The following IFT74 variants were observed in gnomAD, a reference collection of about 807,000 sequenced individuals.
IFT74 encodes intraflagellar transport 74, also known as intraflagellar transport protein 74 homolog.
A neutral mutation model predicts 96.7 loss-of-function variants in IFT74; 92 were observed. That is an observed-to-expected ratio of 0.95 (90% CI 0.80 to 1.13). The LOEUF is 1.13. Among genes scored for constraint, IFT74 ranks in the 50% most tolerant of loss-of-function variants. The probability of loss-of-function intolerance (pLI) is 0.00; values close to 1 mark genes in which losing one functional copy is unlikely to be tolerated. For synonymous variants in IFT74, 223 were observed against 213.2 expected (o/e 1.05, Z -0.40); for missense variants, 811 against 698.2 (o/e 1.16, Z -1.82).
chr9:26,956,060 G>T (rs1206327610), upstream of IFT74: 1 of 152,164 alleles, frequency 6.6e-6, no homozygotes, highest in African/African-American at 2.4e-5. Context: ...TTAGAAAATT[G>T]CACAATGCTG....
intron 8 of IFT74, chr9:26,998,098 G>A (rs772784736): frequency 6.2e-7 from 1 of 1,613,372 alleles, no homozygotes; most frequent in Non-Finnish European, 8.5e-7. Flanking sequence ...AGAGCTCTGT[G>A]AGTAAAAAGT....
chr9:27,048,033 CA>C (rs565682057), intron 15 of IFT74, 114 bp from the exon 16 acceptor site: 343 of 623,518 alleles, frequency 5.5e-4, no homozygotes, highest in South Asian at 1.1e-3. Context: ...TGGTGTATTT[CA>C]AAAAAAATAC....
At chr9:26,991,922 G>A (rs998656022) in intron 8 of IFT74, among the ~76,000 whole-genome samples, 2 of 151,916 alleles carry the variant, frequency 1.3e-5, no homozygotes, top group East Asian at 1.9e-4. Flanking sequence ...CCAGCTACTC[G>A]GGAGACTGAA....
chr9:26,975,097 C>A (rs551019586), intron 2 of IFT74, among the ~76,000 whole-genome samples: 1 of 152,004 alleles, frequency 6.6e-6, no homozygotes, highest in Non-Finnish European at 1.5e-5. Context: ...GGAGGAATAA[C>A]GTGAGCAGGG....
chr9:26,948,450 T>TATTATTATTA (rs201983799), intron 1 of IFT74, among the ~76,000 whole-genome samples: 1,450 of 31,200 alleles, frequency 0.046, 23 homozygotes, highest in South Asian at 0.22. Flanking sequence ...TTTCCATTAT[T>TATTATTATTA]TTTTTTTTTT....
intron 8 of IFT74, among the ~76,000 whole-genome samples, chr9:27,003,050 T>C (rs1437664950): frequency 6.6e-6 from 1 of 152,238 alleles, no homozygotes; most frequent in East Asian, 1.9e-4. Flanking sequence ...TTTGTAGCTA[T>C]CGTAAACAGG....
At chr9:27,033,573 C>CAAAAAAAAAAAAAAAAAAAAAAAAAAAAA (rs558712485) in intron 13 of IFT74, among the ~76,000 whole-genome samples, 1 of 66,286 alleles carries the variant, frequency 1.5e-5, no homozygotes, top group Non-Finnish European at 3.1e-5. Flanking sequence ...GACCCTGTCT[C>CAAAAAAAAAAAAAAAAAAAAAAAAAAAAA]AAAAAAAAAA....
At chr9:26,963,408 G>A (rs1336139385) in intron 2 of IFT74, among the ~76,000 whole-genome samples, 29 of 150,266 alleles carry the variant, frequency 1.9e-4, no homozygotes, top group African/African-American at 6.1e-4. Flanking sequence ...GAATAATGCC[G>A]CAATAAACAT....
At chr9:27,054,008 TA>T (rs1820049678) in intron 16 of IFT74, among the ~76,000 whole-genome samples, 1 of 152,258 alleles carries the variant, frequency 6.6e-6, no homozygotes, top group African/African-American at 2.4e-5. Flanking sequence ...TACACATATA[TA>T]TTTTTAAATA....
At chr9:27,047,935 A>G (rs528005578) in intron 15 of IFT74, among the ~76,000 whole-genome samples, 1 of 152,300 alleles carries the variant, frequency 6.6e-6, no homozygotes, top group South Asian at 2.1e-4. Context: ...AGGAAATGAA[A>G]AAAAACCCAC....
At chr9:27,060,736 GCC>G in intron 19 of IFT74, 85 bp downstream of exon 19, 7 of 885,004 alleles carry the variant, frequency 7.9e-6, no homozygotes, top group Non-Finnish European at 1.2e-5. Context: ...AGGCAGGTGG[GCC>G]ACAAGGTCAG....
At chr9:26,976,382 T>A (rs1827129217) in intron 2 of IFT74, among the ~76,000 whole-genome samples, 1 of 152,340 alleles carries the variant, frequency 6.6e-6, no homozygotes, top group East Asian at 1.9e-4. Context: ...CAGGGCTGCT[T>A]GTCATGAGAG....
At chr9:26,987,161 T>C (rs1224577442) in intron 6 of IFT74, among the ~76,000 whole-genome samples, 1 of 152,178 alleles carries the variant, frequency 6.6e-6, no homozygotes, top group Admixed American at 6.5e-5. Context: ...GTGATTATCC[T>C]GCTTCAGCCT....
At chr9:26,973,519 T>C (rs1826968075) in intron 2 of IFT74, among the ~76,000 whole-genome samples, 1 of 152,210 alleles carries the variant, frequency 6.6e-6, no homozygotes, top group Non-Finnish European at 1.5e-5. Context: ...AGGATGAATG[T>C]ATTTTTCGTC....
chr9:27,043,289 G>A (rs756232438), intron 13 of IFT74, among the ~76,000 whole-genome samples: 4 of 152,172 alleles, frequency 2.6e-5, no homozygotes, highest in Non-Finnish European at 4.4e-5. Context: ...CAGGGTTGTC[G>A]TCAATGAATT....
At chr9:26,984,650 C>T in intron 6 of IFT74, 91 bp downstream of exon 6, 1 of 939,886 alleles carries the variant, frequency 1.1e-6, no homozygotes, top group East Asian at 2.5e-5. Context: ...AAAGGACATG[C>T]ACAGATACTT....
intron 12 of IFT74, among the ~76,000 whole-genome samples, chr9:27,028,553 C>T (rs530750930): frequency 2.8e-3 from 424 of 151,910 alleles, no homozygotes; most frequent in Admixed American, 4.3e-3. Context: ...GTCAAGAGAT[C>T]GAGACCATCA....
At chr9:26,953,781 A>ATTAG (rs957804557), upstream of IFT74, among the ~76,000 whole-genome samples, 4 of 139,544 alleles carry the variant, frequency 2.9e-5, no homozygotes, top group Admixed American at 1.4e-4. Flanking sequence ...AAATGTTGGG[A>ATTAG]TTAGAGGCAT....
intron 2 of IFT74, among the ~76,000 whole-genome samples, chr9:26,968,271 T>C (rs1365100911): frequency 6.6e-6 from 1 of 151,706 alleles, no homozygotes; most frequent in Admixed American, 6.6e-5. Flanking sequence ...AAAAATTTTT[T>C]TTTTTTTTGA....
Sources: gnomAD v4.1 joint callset for allele counts (sites outside exome capture counted in the v4.1 genomes callset) on GRCh38, gnomAD v4.1.1 for gene constraint, MANE v1.5 for transcripts, NCBI Gene and HGNC (gene_info 2026-07-23, HGNC 2026-07-21) for gene names.